Variants in SPATA7 observed in about 807,000 individuals in gnomAD.
The protein encoded by SPATA7 is spermatogenesis-associated protein 7.
A neutral mutation model predicts 51.8 loss-of-function variants in SPATA7; 43 were observed. The observed-to-expected ratio is 0.83, with a 90% confidence interval of 0.65 to 1.07. The LOEUF (loss-of-function observed/expected upper bound fraction) is 1.07. Among genes scored for constraint, SPATA7 ranks in the 50% least tolerant of loss-of-function variants. The pLI, the probability that SPATA7 is intolerant of heterozygous loss-of-function variation, is 0.00. For synonymous variants in SPATA7, 230 were observed against 252.8 expected (o/e 0.91, Z 0.86); for missense variants, 683 against 701.3 (o/e 0.97, Z 0.30).
At chr14:88,417,714 T>C (rs2139965696) in intron 5 of SPATA7, among the ~76,000 whole-genome samples, 1 of 152,378 alleles carries the variant, frequency 6.6e-6, no homozygotes, top group Non-Finnish European at 1.5e-5. Context: ...TTACCTTTTT[T>C]ATTCATTGCT....
At position 88,433,151 on chromosome 14, in the gene SPATA7, T is replaced by G; in HGVS notation, c.1099T>G (p.Tyr367Asp). The change falls in exon 10 of 12, where the codon TAT (tyrosine) becomes GAT (aspartate). Residue 367 changes from tyrosine (Y) to aspartate (D), a missense_variant. Coordinates refer to ENST00000393545, the MANE Select transcript of SPATA7 (RefSeq NM_018418.5). ...CTTTTACAGTGAAGAAGAACTGTTGTATCTGAGTTTCATTGAAGATGTAAC... is the reference window on the plus strand; with the variant it reads ...CTTTTACAGTGAAGAAGAACTGTTGGATCTGAGTTTCATTGAAGATGTAAC... ...KIYSDEEELLYLSFIEDVTDE... is the reference protein window; with the variant it reads ...KIYSDEEELLDLSFIEDVTDE... The G allele has an allele frequency of 6.2e-7, 1 of 1,611,820 alleles. No homozygotes were observed. Among genetic ancestry groups the G allele is most frequent in the Non-Finnish European group, 8.5e-7 (1 of 1,179,302 alleles).
intron 8 of SPATA7, among the ~76,000 whole-genome samples, 190 bp from the exon 9 acceptor site, chr14:88,430,982 G>C (rs1441177948): frequency 6.6e-6 from 1 of 152,170 alleles, no homozygotes. Context: ...TTGGATTTCA[G>C]ATTTTTGGAT....
chr14:88,441,473 A>G (rs372170693), downstream of SPATA7, among the ~76,000 whole-genome samples: 2 of 152,138 alleles, frequency 1.3e-5, no homozygotes, highest in East Asian at 1.9e-4. Context: ...TAACAGTGTA[A>G]AAGTGTTCCC....
intron 5 of SPATA7, among the ~76,000 whole-genome samples, chr14:88,419,245 A>T (rs1245571202): frequency 1.3e-5 from 2 of 152,086 alleles, no homozygotes; most frequent in African/African-American, 4.8e-5. Flanking sequence ...GATATTAGAG[A>T]TACAGAATAC....
At chr14:88,442,718 T>A (rs149288449), downstream of SPATA7, among the ~76,000 whole-genome samples, 1 of 152,256 alleles carries the variant, frequency 6.6e-6, no homozygotes, top group African/African-American at 2.4e-5. Context: ...TTTTTGCATC[T>A]GTGTTCATCA....
At chr14:88,424,676 G>A (rs1224608909) in intron 5 of SPATA7, among the ~76,000 whole-genome samples, 1 of 152,136 alleles carries the variant, frequency 6.6e-6, no homozygotes, top group East Asian at 1.9e-4. Context: ...AACTCTTCTG[G>A]TACATAAGCT....
intron 4 of SPATA7, chr14:88,467,656 A>G (rs895449770): frequency 1.3e-5 from 2 of 152,630 alleles, no homozygotes; most frequent in African/African-American, 4.8e-5. Context: ...TTTTAAATAC[A>G]AAGTTATATA....
At chr14:88,451,425 T>A (rs1328391822) in intron 3 of SPATA7, among the ~76,000 whole-genome samples, 2 of 151,988 alleles carry the variant, frequency 1.3e-5, no homozygotes, top group African/African-American at 4.8e-5. Context: ...TGCCTGAGCC[T>A]CCCAAACTGC....
At chr14:88,447,136 A>T (rs1271696787) in intron 3 of SPATA7, among the ~76,000 whole-genome samples, 3 of 149,118 alleles carry the variant, frequency 2.0e-5, no homozygotes, top group Non-Finnish European at 4.5e-5. Context: ...TTTGTAGGTC[A>T]CTCAGGACTT....
At chr14:88,467,842 G>A (rs1292665316) in intron 4 of SPATA7, 2 of 326,574 alleles carry the variant, frequency 6.1e-6, no homozygotes, top group African/African-American at 4.4e-5. Flanking sequence ...ATAGAGAATT[G>A]TCTAGAAAAT....
At chr14:88,454,721 TC>T (rs2077273246) in intron 3 of SPATA7, among the ~76,000 whole-genome samples, 1 of 151,952 alleles carries the variant, frequency 6.6e-6, no homozygotes, top group African/African-American at 2.4e-5. Context: ...GGCAAGAGAA[TC>T]ACCTGAGTTC....
intron 6 of SPATA7, 98 bp from the exon 7 acceptor site, chr14:88,427,532 T>C (rs1040050215): frequency 2.6e-6 from 2 of 762,518 alleles, no homozygotes; most frequent in African/African-American, 3.5e-5. Flanking sequence ...TAGATGGGTC[T>C]CATTCTTTTT....
intron 4 of SPATA7, chr14:88,406,847 G>A (rs1042101119): frequency 6.6e-6 from 1 of 152,144 alleles, no homozygotes; most frequent in Non-Finnish European, 1.5e-5. Flanking sequence ...TTATGAGTGA[G>A]AACATGCAGT....
intron 10 of SPATA7, among the ~76,000 whole-genome samples, chr14:88,433,926 G>T (rs968422517): frequency 6.6e-6 from 1 of 152,062 alleles, no homozygotes; most frequent in Non-Finnish European, 1.5e-5. Flanking sequence ...ATATCAAAAA[G>T]ACCTAAGATT....
intron 3 of SPATA7, among the ~76,000 whole-genome samples, chr14:88,394,082 A>G (rs1595178148): frequency 6.6e-6 from 1 of 152,178 alleles, no homozygotes; most frequent in Non-Finnish European, 1.5e-5. Context: ...AAAAAAAAGT[A>G]TTTTGTGACC....
chr14:88,386,233 G>C (rs1278946258), intron 1 of SPATA7, among the ~76,000 whole-genome samples: 3 of 152,090 alleles, frequency 2.0e-5, no homozygotes, highest in African/African-American at 7.2e-5. Context: ...TCTCTTGAAC[G>C]TGAGGGTCAA....
intron 4 of SPATA7, chr14:88,415,315 T>C (rs919719176): frequency 1.1e-5 from 3 of 277,622 alleles, no homozygotes; most frequent in Admixed American, 1.0e-4. Context: ...TGCCCATCTT[T>C]GTCCTTATTG....
chr14:88,420,107 G>A (rs2076600440), intron 5 of SPATA7, among the ~76,000 whole-genome samples: 1 of 152,154 alleles, frequency 6.6e-6, no homozygotes. Context: ...AGTCTGGGAA[G>A]ATTTTCCACA....
downstream of SPATA7, chr14:88,438,492 T>A: frequency 8.2e-7 from 1 of 1,221,738 alleles, no homozygotes; most frequent in Non-Finnish European, 1.2e-6. Flanking sequence ...AAAATGTATG[T>A]ATAAGATTTC....
Sources: gnomAD v4.1 joint callset for allele counts (sites outside exome capture counted in the v4.1 genomes callset) on GRCh38, gnomAD v4.1.1 for gene constraint, MANE v1.5 for transcripts, NCBI Gene and HGNC (gene_info 2026-07-23, HGNC 2026-07-21) for gene names.